The following EYS variants were observed in gnomAD, a reference collection of about 807,000 sequenced individuals.
EYS encodes protein eyes shut homolog.
EYS carries 250 observed loss-of-function variants against 282.1 expected under a neutral mutation model. The ratio of observed to expected loss-of-function variants is 0.89; its 90% CI spans 0.80 to 0.98. The LOEUF is 0.98. Ranked by LOEUF, EYS falls within the 50% of genes least tolerant of loss-of-function variation. The pLI, the probability that EYS is intolerant of heterozygous loss-of-function variation, is 0.00. For missense variants in EYS, 4,016 were observed against 3,709.0 expected (o/e 1.08, Z -2.15); for synonymous variants, 1,355 against 1,282.9 (o/e 1.06, Z -1.20).
intron 29 of EYS, among the ~76,000 whole-genome samples, chr6:64,375,894 C>A (rs1042148892): frequency 1.3e-5 from 2 of 152,056 alleles, no homozygotes; most frequent in African/African-American, 4.8e-5. Flanking sequence ...GCAAGAGTAT[C>A]CTTTTGTCAA....
In EYS at chr6:64,737,241, C is replaced by T. The variant is rs150671102; in HGVS notation, c.3443+76137G>A. ...AAATGCATTTCTTTAGCAAAACAGCCTAATCAAATATCATTGATATCAGTA... is the reference window on the plus strand; with the variant it reads ...AAATGCATTTCTTTAGCAAAACAGCTTAATCAAATATCATTGATATCAGTA... On this transcript the variant is annotated intron_variant, in intron 22 of 42. Transcript: ENST00000503581. Among the ~76,000 whole-genome samples the T allele has an allele frequency of 5.1e-3, 773 of 152,246 alleles. 5 individuals are homozygous for T. The highest frequency in any genetic ancestry group is 0.018 in the African/African-American group (735 of 41,552).
At position 63,739,196 on chromosome 6, in the gene EYS, G is replaced by T. The variant is rs111755058; in HGVS notation, c.8072-12516C>A. ...GGCCAGCTAGAGCTCCTTCAAGCTG[G>T]TTCCTGTGTCCTCCTGTCTCAGGTT... On this transcript the variant is annotated intron_variant, in intron 41 of 42. Coordinates refer to ENST00000503581, the MANE Select transcript of EYS (RefSeq NM_001142800.2). 7.0e-3 allele frequency among the ~76,000 whole-genome samples: 1,072 copies of T among 152,194 alleles called. 15 individuals carry two copies. Among genetic ancestry groups the T allele is most frequent in the South Asian group, 0.024 (115 of 4,814 alleles).
chr6:64,133,380 A>G (rs1265157681), intron 31 of EYS, among the ~76,000 whole-genome samples: 1 of 151,888 alleles, frequency 6.6e-6, no homozygotes, highest in Non-Finnish European at 1.5e-5. Context: ...CTACATATCT[A>G]TAGAAATGTT....
At chr6:64,145,899 G>T (rs1453075036) in intron 31 of EYS, among the ~76,000 whole-genome samples, 1 of 152,064 alleles carries the variant, frequency 6.6e-6, no homozygotes, top group African/African-American at 2.4e-5. Flanking sequence ...AAGCTTCAGG[G>T]CTCCTAATTT....
chr6:63,851,859 TA>T (rs555234652), intron 36 of EYS, among the ~76,000 whole-genome samples: 55 of 151,816 alleles, frequency 3.6e-4, no homozygotes, highest in African/African-American at 1.3e-3. Context: ...AAAAAACCCT[TA>T]AAAAATCAAT....
At chr6:63,987,308 G>T (rs1034589940) in intron 34 of EYS, among the ~76,000 whole-genome samples, 4 of 151,574 alleles carry the variant, frequency 2.6e-5, no homozygotes, top group African/African-American at 9.7e-5. Context: ...CCCAGTGTGT[G>T]GTGAGATGTA....
intron 12 of EYS, among the ~76,000 whole-genome samples, chr6:65,189,463 G>A (rs2150238562): frequency 6.6e-6 from 1 of 151,830 alleles, no homozygotes; most frequent in Middle Eastern, 3.4e-3. Context: ...CAAGATCAAT[G>A]CTGCTGAGTG....
intron 30 of EYS, among the ~76,000 whole-genome samples, chr6:64,305,616 AT>A (rs1038102496): frequency 6.6e-6 from 1 of 152,224 alleles, no homozygotes; most frequent in Non-Finnish European, 1.5e-5. Context: ...TGCCACATAC[AT>A]TCAATGGGGG....
chr6:64,571,128 A>T (rs531176219), intron 26 of EYS, among the ~76,000 whole-genome samples: 1 of 152,178 alleles, frequency 6.6e-6, no homozygotes, highest in African/African-American at 2.4e-5. Flanking sequence ...TAAGAAACTC[A>T]CTCAAAACCA....
chr6:65,207,284 A>G (rs576204405), intron 12 of EYS, among the ~76,000 whole-genome samples: 7 of 151,876 alleles, frequency 4.6e-5, no homozygotes, highest in African/African-American at 1.7e-4. Context: ...AGCCACATGC[A>G]CAAACAAAAA....
chr6:63,807,966 G>A (rs1770947772), intron 36 of EYS, among the ~76,000 whole-genome samples: 1 of 152,074 alleles, frequency 6.6e-6, no homozygotes, highest in African/African-American at 2.4e-5. Context: ...AAATAGAAAA[G>A]GAATGACTAT....
chr6:65,566,798 T>C (rs1022890763), intron 2 of EYS, among the ~76,000 whole-genome samples: 3 of 152,196 alleles, frequency 2.0e-5, no homozygotes, highest in Admixed American at 6.6e-5. Context: ...TCTAGGTTTA[T>C]ATGATTTAGT....
intron 12 of EYS, among the ~76,000 whole-genome samples, chr6:65,084,039 A>G (rs956936192): frequency 1.3e-5 from 2 of 151,926 alleles, no homozygotes; most frequent in African/African-American, 4.8e-5. Context: ...AACTTCATTT[A>G]TCTTTGGCAA....
chr6:64,200,983 T>C (rs576604453), intron 31 of EYS, among the ~76,000 whole-genome samples: 1 of 152,276 alleles, frequency 6.6e-6, no homozygotes, highest in African/African-American at 2.4e-5. Context: ...TCCAAACTGA[T>C]CCATCTTCTT....
intron 29 of EYS, among the ~76,000 whole-genome samples, chr6:64,353,075 C>T (rs1234853496): frequency 6.6e-6 from 1 of 151,376 alleles, no homozygotes; most frequent in Non-Finnish European, 1.5e-5. Flanking sequence ...GAGAATACCT[C>T]CCCCTACACA....
chr6:64,495,772 C>G (rs1342344845), intron 26 of EYS, among the ~76,000 whole-genome samples: 1 of 151,828 alleles, frequency 6.6e-6, no homozygotes, highest in East Asian at 1.9e-4. Flanking sequence ...CTATGAATCA[C>G]TAATGATTCT....
chr6:65,557,273 C>T (rs1431599820), intron 2 of EYS, among the ~76,000 whole-genome samples: 2 of 152,156 alleles, frequency 1.3e-5, no homozygotes. Context: ...CCCACACCTG[C>T]CAAGGCTGAG....
intron 12 of EYS, among the ~76,000 whole-genome samples, chr6:65,083,507 C>T (rs931563641): frequency 5.9e-5 from 9 of 151,624 alleles, no homozygotes; most frequent in African/African-American, 2.2e-4. Context: ...GTTTTGTTTC[C>T]TAGATAAATT....
intron 22 of EYS, among the ~76,000 whole-genome samples, chr6:64,744,530 T>C (rs1772488644): frequency 6.6e-6 from 1 of 152,160 alleles, no homozygotes; most frequent in South Asian, 2.1e-4. Context: ...GCAACCAGTA[T>C]CAGAATTTAC....
Sources: gnomAD v4.1 joint callset for allele counts (sites outside exome capture counted in the v4.1 genomes callset) on GRCh38, gnomAD v4.1.1 for gene constraint, MANE v1.5 for transcripts, NCBI Gene and HGNC (gene_info 2026-07-23, HGNC 2026-07-21) for gene names.